Variants in CRYZL1 observed in about 807,000 individuals in gnomAD.
The protein encoded by CRYZL1 is ferry endosomal RAB5 effector complex subunit 4.
A neutral mutation model predicts 50.6 loss-of-function variants in CRYZL1; 34 were observed. The observed-to-expected ratio is 0.67, with a 90% CI of 0.51 to 0.89. The LOEUF (loss-of-function observed/expected upper bound fraction) is 0.89, where lower values mean the gene tolerates loss of function less well. Among genes scored for constraint, CRYZL1 ranks in the 40% least tolerant of loss-of-function variants. The pLI, the probability that CRYZL1 is intolerant of heterozygous loss-of-function variation, is 0.00. For missense variants in CRYZL1, 354 were observed against 402.3 expected, an observed-to-expected ratio of 0.88 and a Z score of 1.03; for synonymous variants, 125 against 134.3, an observed-to-expected ratio of 0.93 and a Z score of 0.48.
intron 1 of CRYZL1, among the ~76,000 whole-genome samples, chr21:33,632,529 C>T (rs1235107836): frequency 1.3e-5 from 2 of 151,822 alleles, no homozygotes; most frequent in Non-Finnish European, 2.9e-5. Context: ...AGGCACGCGC[C>T]ACCATGCCCG....
intron 4 of CRYZL1, chr21:33,617,024 AT>A (rs879543300): frequency 3.8e-3 from 757 of 198,564 alleles, no homozygotes; most frequent in South Asian, 9.6e-3. Flanking sequence ...GACTTTATTC[AT>A]TTTTTTTTTG....
intron 8 of CRYZL1, among the ~76,000 whole-genome samples, chr21:33,600,349 A>C (rs1457048899): frequency 6.6e-6 from 1 of 152,220 alleles, no homozygotes; most frequent in African/African-American, 2.4e-5. Flanking sequence ...TTAATAGAAT[A>C]TAAATTATTG....
At chr21:33,625,182 G>A (rs2087046918) in intron 2 of CRYZL1, among the ~76,000 whole-genome samples, 2 of 149,556 alleles carry the variant, frequency 1.3e-5, no homozygotes, top group African/African-American at 2.5e-5. Context: ...TTGAGACAGA[G>A]TCTTGCTCTG....
At chr21:33,613,711 TC>T in intron 5 of CRYZL1, 105 bp from the exon 6 acceptor site, 1 of 798,796 alleles carries the variant, frequency 1.3e-6, no homozygotes, top group Non-Finnish European at 2.2e-6. Flanking sequence ...TGAGGAAGGT[TC>T]CAGTAATTAC....
At chr21:33,602,207 A>C (rs757303414) in intron 8 of CRYZL1, 27 bp downstream of exon 8, 1 of 1,210,948 alleles carries the variant, frequency 8.3e-7, no homozygotes, top group South Asian at 1.2e-5. Context: ...TTCCTGTTTT[A>C]AAGTCTGTGC....
chr21:33,621,214 A>T (rs1020761798), intron 4 of CRYZL1, among the ~76,000 whole-genome samples: 1 of 149,892 alleles, frequency 6.7e-6, no homozygotes, highest in African/African-American at 2.5e-5. Context: ...CGGGGTGTCC[A>T]ATCTTTTGGC....
At chr21:33,592,610 G>T (rs1156344993) in intron 11 of CRYZL1, among the ~76,000 whole-genome samples, 1 of 152,126 alleles carries the variant, frequency 6.6e-6, no homozygotes, top group Non-Finnish European at 1.5e-5. Flanking sequence ...CTATGTAATT[G>T]CCCGTACTTC....
intron 1 of CRYZL1, among the ~76,000 whole-genome samples, chr21:33,632,982 T>A (rs1269318922): frequency 1.3e-5 from 2 of 152,216 alleles, no homozygotes; most frequent in African/African-American, 2.4e-5. Flanking sequence ...TTTATATAAA[T>A]AAAATTATAC....
At chr21:33,596,123 G>A in intron 10 of CRYZL1, 1 of 578,752 alleles carries the variant, frequency 1.7e-6, no homozygotes, top group Non-Finnish European at 3.3e-6. Context: ...TGAGGGTGTT[G>A]GAAAATCAGT....
At chr21:33,640,400 C>T (rs1235158259) in intron 1 of CRYZL1, among the ~76,000 whole-genome samples, 2 of 151,480 alleles carry the variant, frequency 1.3e-5, no homozygotes, top group East Asian at 3.9e-4. Context: ...CATAACTGAC[C>T]CGAGTTTGAA....
chr21:33,604,780 C>T (rs1442399023), intron 6 of CRYZL1, among the ~76,000 whole-genome samples: 1 of 152,124 alleles, frequency 6.6e-6, no homozygotes. Flanking sequence ...CAATTTTTGT[C>T]AGTTACAAAC....
chr21:33,636,867 C>T (rs1236758817), intron 1 of CRYZL1, among the ~76,000 whole-genome samples: 1 of 152,088 alleles, frequency 6.6e-6, no homozygotes, highest in Non-Finnish European at 1.5e-5. Context: ...AGTGCAGTGG[C>T]GCGATGTCGG....
chr21:33,590,110 C>T lies in CRYZL1; in HGVS notation c.951-189G>A, dbSNP rs142095327. Among the ~76,000 whole-genome samples, 148 of 152,302 alleles carry T rather than the reference C, an allele frequency of 9.7e-4. 1 individual carries two copies. In the East Asian group the frequency reaches 0.023, roughly 24 times the overall value. On this transcript the variant is annotated intron_variant, in intron 12 of 12. Transcript: ENST00000381554. ...TCAGCTCACTGCAACCTCCGGCTCCCGGGTTCAAGCAATTCTCATACTTCA... is the reference window on the plus strand; with the variant it reads ...TCAGCTCACTGCAACCTCCGGCTCCTGGGTTCAAGCAATTCTCATACTTCA...
chr21:33,638,119 T>C (rs919397219), intron 1 of CRYZL1, among the ~76,000 whole-genome samples: 23 of 151,892 alleles, frequency 1.5e-4, no homozygotes, highest in African/African-American at 5.3e-4. Context: ...AAAAAGAATA[T>C]AGTCACCATA....
At chr21:33,603,990 C>T (rs551959719) in intron 6 of CRYZL1, among the ~76,000 whole-genome samples, 6 of 152,276 alleles carry the variant, frequency 3.9e-5, no homozygotes, top group East Asian at 1.9e-4. Context: ...TGGTGGCTCA[C>T]GCCTGTAATC....
At chr21:33,639,586 AACTG>A (rs796998934) in intron 1 of CRYZL1, among the ~76,000 whole-genome samples, 11 of 152,288 alleles carry the variant, frequency 7.2e-5, no homozygotes, top group African/African-American at 2.6e-4. Context: ...CAATCCATTT[AACTG>A]ACTTTCTTTT....
intron 5 of CRYZL1, chr21:33,616,373 A>C: frequency 1.1e-5 from 2 of 188,190 alleles, no homozygotes; most frequent in South Asian, 9.4e-5. Flanking sequence ...GCTCACCACA[A>C]CCTCTGCCTC....
chr21:33,625,398 G>T (rs1316387837), intron 2 of CRYZL1, among the ~76,000 whole-genome samples: 1 of 152,032 alleles, frequency 6.6e-6, no homozygotes, highest in Non-Finnish European at 1.5e-5. Context: ...CTTGTGATCC[G>T]CCCGCCTCGG....
chr21:33,632,070 C>T (rs1050609694), intron 1 of CRYZL1, among the ~76,000 whole-genome samples: 1 of 151,620 alleles, frequency 6.6e-6, no homozygotes, highest in Non-Finnish European at 1.5e-5. Flanking sequence ...CGCCTGTAAT[C>T]CCAGCACTTT....
Sources: allele counts gnomAD v4.1 joint callset (sites outside exome capture counted in the v4.1 genomes callset), GRCh38; gene constraint gnomAD v4.1.1; transcripts MANE v1.5; gene names NCBI Gene and HGNC (gene_info 2026-07-23, HGNC 2026-07-21).